Variants in SLC25A19 observed in about 807,000 individuals in gnomAD.
The protein encoded by SLC25A19 is mitochondrial thiamine pyrophosphate carrier.
SLC25A19 carries 18 observed loss-of-function variants against 27.9 expected under a neutral mutation model. That is an observed-to-expected ratio of 0.64 (90% confidence interval 0.45 to 0.96). The LOEUF (loss-of-function observed/expected upper bound fraction) is 0.96. Among genes scored for constraint, SLC25A19 ranks in the 40% least tolerant of loss-of-function variants. The probability of loss-of-function intolerance (pLI) is 0.00; values close to 1 mark genes in which losing one functional copy is unlikely to be tolerated. For synonymous variants in SLC25A19, 169 were observed against 167.1 expected (o/e 1.01, Z -0.09); for missense variants, 371 against 418.3 (o/e 0.89, Z 0.99).
chr17:75,283,324 C>CA, intron 5 of SLC25A19, 99 bp downstream of exon 5: 1 of 1,309,088 alleles, frequency 7.6e-7, no homozygotes, highest in Non-Finnish European at 1.0e-6. Flanking sequence ...CAGAACAAAA[C>CA]AAAAATAAAT....
rs537300220 is a variant in SLC25A19, at chr17:75,276,836, G to A, written c.774+517C>T. Among the ~76,000 whole-genome samples the A allele has an allele frequency of 1.6e-4, 19 of 118,566 alleles. No homozygotes were observed. In the Middle Eastern group the frequency reaches 0.013, roughly 83 times the overall value. The allele number at this position is 118,566 out of a possible 152,430, so 77.8% of individuals were successfully genotyped here. On this transcript the variant is annotated intron_variant, in intron 7 of 7. Transcript: ENST00000416858. Reference sequence around the variant, plus strand: ...ACTACACGTGCCCACCACCACGCCCGGCTAATTTTTTTGTTTTTTTTTTTT... The same window carrying A: ...ACTACACGTGCCCACCACCACGCCCAGCTAATTTTTTTGTTTTTTTTTTTT...
Position 75,276,849 on chromosome 17 carries a change from G to T in SLC25A19, c.774+504C>A, listed in dbSNP as rs999183866. ...ACCACCACGCCCGGCTAATTTTTTT[G>T]TTTTTTTTTTTTTTTAGTAGAGATG... On this transcript the variant is annotated intron_variant, in intron 7 of 7. Coordinates refer to ENST00000416858, the MANE Select transcript of SLC25A19 (RefSeq NM_001126121.2). Among the ~76,000 whole-genome samples, 527 of 134,074 alleles carry T rather than the reference G, an allele frequency of 3.9e-3. 2 individuals are homozygous for T. Among genetic ancestry groups the T allele is most frequent in the African/African-American group, 0.013 (462 of 36,796 alleles). 88.0% of individuals were successfully genotyped at this position (134,074 alleles called of 152,430 possible).
chr17:75,277,267 C>A (rs2077913401), intron 7 of SLC25A19, 86 bp downstream of exon 7: 2 of 1,564,540 alleles, frequency 1.3e-6, no homozygotes, highest in Non-Finnish European at 1.7e-6. Context: ...TGATGTTGCC[C>A]AATGGGTAGG....
At chr17:75,287,539 T>G (rs2078212520) in intron 2 of SLC25A19, 1 of 152,268 alleles carries the variant, frequency 6.6e-6, no homozygotes, top group African/African-American at 2.4e-5. Flanking sequence ...CCCATCATGG[T>G]AAGTGCTTAA....
In SLC25A19 at chr17:75,277,377, C is replaced by T. The variant is rs147904037; in HGVS notation, c.750G>A (p.Glu250=). Residue 250 remains glutamate (E), a synonymous_variant, in exon 7 of 8, where the codon GAG becomes GAA. Transcript: ENST00000416858. ...FKKRLQVGGF[E]HARAAFGQVR... is the part of the protein sequence containing the mutation. ...CCTGGCCAAAGGCAGCTCTGGCATG[C>T]TCAAACCCTCCAACCTGTAGCCGCT... is the stretch of plus-strand genomic sequence containing the variant. The T allele has an allele frequency of 1.3e-4, 209 of 1,613,890 alleles. 4 individuals carry two copies. In the African/African-American group the frequency reaches 2.1e-3, roughly 17 times the overall value.
intron 6 of SLC25A19, among the ~76,000 whole-genome samples, 170 bp from the exon 7 acceptor site, chr17:75,277,653 A>G (rs1264961945): frequency 1.3e-5 from 2 of 152,022 alleles, no homozygotes; most frequent in African/African-American, 4.8e-5. Flanking sequence ...ATCTAGGGGG[A>G]GAAGAGCCAG....
At chr17:75,286,924 G>A (rs2078198715) in intron 2 of SLC25A19, 122 bp from the exon 3 acceptor site, 11 of 974,572 alleles carry the variant, frequency 1.1e-5, no homozygotes, top group Non-Finnish European at 1.7e-5. Context: ...CTTTTGGACT[G>A]GGCGCAGCGG....
chr17:75,280,642 G>A lies in SLC25A19; in HGVS notation c.460-2307C>T, dbSNP rs1266702220. 5.3e-5 allele frequency among the ~76,000 whole-genome samples: 8 copies of A among 151,356 alleles called. No homozygotes were observed. In the South Asian group the frequency reaches 8.4e-4, roughly 16 times the overall value. ...AGCCTGGCCAACATGGCAAAACCCC[G>A]TCTCTACTAAAAATACAAAAATTAG... is the stretch of plus-strand genomic sequence containing the variant. On this transcript the variant is annotated intron_variant, in intron 5 of 7. Transcript: ENST00000416858.
rs1003224870 is a variant in SLC25A19 at position 75,278,240 on chromosome 17, G to T, written c.555C>A (p.Ile185=). The T allele has an allele frequency of 2.5e-6, 4 of 1,613,964 alleles. No homozygotes were observed. Among genetic ancestry groups the T allele is most frequent in the Middle Eastern group, 1.7e-4 (1 of 6,056 alleles). The change falls in exon 6 of 8, where the codon ATC becomes ATA. Residue 185 remains isoleucine, a synonymous_variant. Transcript: ENST00000416858. The stretch of plus-strand genomic sequence containing the variant: ...AGAACTGCAGCCCGGCGTAGGGGAA[G>T]ATGGCGATCAAGGTGGGAGCCAAGC... ...YKGLAPTLIA[I]FPYAGLQFSC... is the part of the protein sequence containing the mutation.
chr17:75,273,720 G>T, intron 7 of SLC25A19, 81 bp from the exon 8 acceptor site: 1 of 1,323,524 alleles, frequency 7.6e-7, no homozygotes, highest in Non-Finnish European at 1.1e-6. Flanking sequence ...CAGATCTTAA[G>T]AAGTACTTGC....
chr17:75,278,220 T>C lies in SLC25A19; in HGVS notation c.575A>G (p.Gln192Arg). The C allele has an allele frequency of 1.9e-6, 3 of 1,613,956 alleles. No individual in the cohort carries two copies. The highest frequency in any genetic ancestry group is 2.5e-6 in the Non-Finnish European group (3 of 1,180,006). The change falls in exon 6 of 8, where the codon CAG becomes CGG. Residue 192 changes from glutamine (Q) to arginine (R), a missense_variant. By Grantham distance (43) the Gln-to-Arg change is conservative (BLOSUM62 1). Transcript: ENST00000416858. ...LIAIFPYAGLQFSCYSSLKHL... is the reference protein window; with the variant it reads ...LIAIFPYAGLRFSCYSSLKHL... ...CTTCAAGGAGCTGTAGCAAGAGAAC[T>C]GCAGCCCGGCGTAGGGGAAGATGGC...
chr17:75,279,638 A>T (rs561799186), intron 5 of SLC25A19, among the ~76,000 whole-genome samples: 3 of 151,192 alleles, frequency 2.0e-5, no homozygotes, highest in African/African-American at 7.3e-5. Flanking sequence ...ACCCCCGAGT[A>T]GCTGTGATTA....
intron 6 of SLC25A19, 115 bp downstream of exon 6, chr17:75,278,037 C>G (rs1001688432): frequency 1.1e-5 from 13 of 1,147,506 alleles, no homozygotes; most frequent in Non-Finnish European, 1.6e-5. Context: ...GAGCCAGGTA[C>G]AGAGACCCGC....
intron 7 of SLC25A19, among the ~76,000 whole-genome samples, chr17:75,276,834 C>T (rs966904104): frequency 1.6e-5 from 2 of 125,686 alleles, no homozygotes; most frequent in African/African-American, 5.3e-5. Context: ...ACCACCACGC[C>T]CGGCTAATTT....
At position 75,277,410 on chromosome 17, in the gene SLC25A19, G is replaced by T. The variant is rs749567067; in HGVS notation, c.717C>A (p.Leu239=). ...CTCCAACCTGTAGCCGCTTCTTGAAGAGGTCCAGCGGATATGTCAGGGTCT... is the reference window on the plus strand; with the variant it reads ...CTCCAACCTGTAGCCGCTTCTTGAATAGGTCCAGCGGATATGTCAGGGTCT... ...ISKTLTYPLD[L]FKKRLQVGGF... is the part of the protein sequence containing the mutation. Residue 239 remains leucine (L), a synonymous_variant, in exon 7 of 8, where the codon CTC becomes CTA. Coordinates refer to ENST00000416858, the MANE Select transcript of SLC25A19 (RefSeq NM_001126121.2). The T allele has an allele frequency of 1.6e-5, 26 of 1,614,008 alleles. No homozygotes were observed. Among genetic ancestry groups the T allele is most frequent in the Non-Finnish European group, 2.1e-5 (25 of 1,180,026 alleles).
intron 1 of SLC25A19, chr17:75,288,894 AC>A (rs1229382195): frequency 6.6e-6 from 1 of 152,198 alleles, no homozygotes; most frequent in African/African-American, 2.4e-5. Context: ...TCCAGGGGTT[AC>A]CCAGGGACCG....
Position 75,273,553 on chromosome 17 carries a change from G to T in SLC25A19, c.861C>A (p.Pro287=). ...GALGFFKGLS[P]SLLKAALSTG... ...TGGAGAGGGCAGCCTTCAGCAAGCT[G>T]GGGGACAGGCCCTTGAAGAAGCCCA... Residue 287 remains proline, a synonymous_variant, in exon 8 of 8, where the codon CCC becomes CCA. Transcript: ENST00000416858. 6.2e-7 allele frequency: 1 copy of T among 1,614,138 alleles called. No homozygotes were observed. The highest frequency in any genetic ancestry group is 1.3e-5 in the African/African-American group (1 of 75,048).
chr17:75,273,505 A>G lies in SLC25A19; in HGVS notation c.909T>C (p.Tyr303=), dbSNP rs774187503. ...ALSTGFMFFS[Y]EFFCNVFHCM... is the part of the protein sequence containing the mutation. ...AGTGGAAGACATTACAGAAGAATTC[A>G]TACGAGAAGAACATGAAGCCTGTGG... is the stretch of plus-strand genomic sequence containing the variant. The change falls in exon 8 of 8, where the codon TAT becomes TAC. Residue 303 remains tyrosine (Y), a synonymous_variant. Transcript: ENST00000416858. 6.2e-7 allele frequency: 1 copy of G among 1,614,224 alleles called. No individual in the cohort carries two copies.
chr17:75,274,168 G>C (rs2077802666), intron 7 of SLC25A19, among the ~76,000 whole-genome samples: 1 of 152,214 alleles, frequency 6.6e-6, no homozygotes, highest in Admixed American at 6.5e-5. Flanking sequence ...TTCCTGCCCA[G>C]GAAGAACGGC....
Sources: allele counts gnomAD v4.1 joint callset (sites outside exome capture counted in the v4.1 genomes callset), GRCh38; gene constraint gnomAD v4.1.1; transcripts MANE v1.5; gene names NCBI Gene and HGNC (gene_info 2026-07-23, HGNC 2026-07-21).